STMN4: variants seen among roughly 807,000 people sequenced by gnomAD.
The protein encoded by STMN4 is stathmin-4.
In STMN4, 12 loss-of-function variants were observed where a neutral mutation model predicts 29.1. The observed-to-expected ratio is 0.41, with a 90% CI of 0.26 to 0.67. The LOEUF is 0.67. Ranked by LOEUF, STMN4 falls within the 30% of genes least tolerant of loss-of-function variation. The pLI, the probability that STMN4 is intolerant of heterozygous loss-of-function variation, is 0.30. For synonymous variants in STMN4, 114 were observed against 105.3 expected, an observed-to-expected ratio of 1.08 and a Z score of -0.51; for missense variants, 181 against 262.8, an observed-to-expected ratio of 0.69 and a Z score of 2.15.
rs770337383 is a variant in STMN4, at chr8:27,236,814, G to T, written c.*32C>A. The T allele has an allele frequency of 6.4e-6, 10 of 1,573,218 alleles. No individual in the cohort carries two copies. Among genetic ancestry groups the T allele is most frequent in the South Asian group, 1.2e-5 (1 of 84,552 alleles). On this transcript the variant is annotated 3_prime_UTR_variant, in exon 7 of 7. Coordinates refer to ENST00000350889, the MANE Select transcript of STMN4 (RefSeq NM_030795.4). The stretch of plus-strand genomic sequence containing the variant: ...AACGTGGAGCTGCTGGAGCTGTCCG[G>T]CTGACCTGGAAAGTTCTTTGGCCTC...
At chr8:27,237,275 GC>G (rs962357543) in intron 6 of STMN4, among the ~76,000 whole-genome samples, 2 of 152,228 alleles carry the variant, frequency 1.3e-5, no homozygotes, top group Admixed American at 1.3e-4. Flanking sequence ...TGCCAGAGGA[GC>G]AGGCAGAACA....
intron 1 of STMN4, among the ~76,000 whole-genome samples, chr8:27,257,449 C>T (rs545599063): frequency 2.1e-5 from 3 of 141,072 alleles, no homozygotes; most frequent in African/African-American, 8.0e-5. Flanking sequence ...CTCCCTCCGA[C>T]CCCCATACAA....
At chr8:27,240,477 G>A (rs139594291) in intron 5 of STMN4, among the ~76,000 whole-genome samples, 12 of 152,066 alleles carry the variant, frequency 7.9e-5, no homozygotes, top group African/African-American at 2.9e-4. Flanking sequence ...TAACAGCTTG[G>A]GGTAAAAAAA....
At chr8:27,255,376 T>A (rs1199315689) in intron 1 of STMN4, among the ~76,000 whole-genome samples, 2 of 152,220 alleles carry the variant, frequency 1.3e-5, no homozygotes, top group African/African-American at 4.8e-5. Flanking sequence ...GGGAACTCTA[T>A]GTTTCCAAAT....
chr8:27,253,190 A>C (rs1290756840), intron 1 of STMN4, among the ~76,000 whole-genome samples: 1 of 152,226 alleles, frequency 6.6e-6, no homozygotes, highest in East Asian at 1.9e-4. Flanking sequence ...AACAGAGCCA[A>C]GCTTCTGGCC....
chr8:27,238,390 C>A (rs780224380), intron 6 of STMN4, among the ~76,000 whole-genome samples: 2 of 152,194 alleles, frequency 1.3e-5, no homozygotes, highest in African/African-American at 4.8e-5. Flanking sequence ...GAGCAGGGGC[C>A]GAGGTCCCAA....
At chr8:27,250,065 G>T (rs968669684) in intron 1 of STMN4, among the ~76,000 whole-genome samples, 4 of 152,188 alleles carry the variant, frequency 2.6e-5, no homozygotes, top group Non-Finnish European at 5.9e-5. Flanking sequence ...AATGAATTCT[G>T]CCTGAGGTCC....
At position 27,245,543 on chromosome 8, in the gene STMN4, C is replaced by T. The variant is rs147593175; in HGVS notation, c.-78-1742G>A. ...CTCTGCAGAACTAAGCTGGTCCTGA[C>T]GGCACCAGTGAGTCCCTGAACAGAG... On this transcript the variant is annotated intron_variant, in intron 1 of 6. Transcript: ENST00000350889. Among the ~76,000 whole-genome samples, 332 of 152,386 alleles carry T rather than the reference C, an allele frequency of 2.2e-3. 1 individual carries two copies. The highest frequency in any genetic ancestry group is 7.3e-3 in the African/African-American group (303 of 41,600).
At chr8:27,238,573 C>A (rs1285968397) in intron 6 of STMN4, among the ~76,000 whole-genome samples, 1 of 152,214 alleles carries the variant, frequency 6.6e-6, no homozygotes, top group Non-Finnish European at 1.5e-5. Flanking sequence ...CTGGGCAGAG[C>A]CCTAAGTTCT....
chr8:27,241,165 C>T lies in STMN4; in HGVS notation c.288G>A (p.Lys96=). Residue 96 remains lysine, a synonymous_variant, in exon 5 of 7, where the codon AAG becomes AAA. Transcript: ENST00000350889. ...CGGGAACCCCATCAAAGGAGGGTGG[C>T]TTCAGGATGACTTCAAAGGATTGGC... The part of the protein sequence containing the change: ...TSGQSFEVIL[K]PPSFDGVPEF... The T allele has an allele frequency of 6.2e-7, 1 of 1,614,246 alleles. No individual in the cohort carries two copies.
intron 6 of STMN4, 86 bp from the exon 7 acceptor site, chr8:27,236,991 C>A: frequency 7.1e-7 from 1 of 1,409,016 alleles, no homozygotes; most frequent in Non-Finnish European, 9.7e-7. Context: ...GAACCAAAAG[C>A]AAAGAGTGGC....
intron 1 of STMN4, among the ~76,000 whole-genome samples, chr8:27,245,925 A>G (rs536928381): frequency 1.3e-5 from 2 of 152,342 alleles, no homozygotes; most frequent in South Asian, 4.1e-4. Flanking sequence ...GCTTAGGCTG[A>G]CAAGACAGGC....
intron 6 of STMN4, chr8:27,239,420 T>C: frequency 4.6e-6 from 4 of 869,736 alleles, no homozygotes; most frequent in Non-Finnish European, 6.9e-6. Flanking sequence ...AACCCCGGCC[T>C]CATGTTTCTC....
At chr8:27,257,540 C>T (rs1435084724) in intron 1 of STMN4, among the ~76,000 whole-genome samples, 4 of 151,808 alleles carry the variant, frequency 2.6e-5, no homozygotes, top group Admixed American at 2.6e-4. Flanking sequence ...GACAACAAGA[C>T]TCCACCACAC....
rs1333976063 is a variant in STMN4 at position 27,242,400 on chromosome 8, C to A, written c.106G>T (p.Glu36Ter). ...TCCTGGCTGAGCCTTCACTGACCTTCATATTTGTAGGACGACTTATTCAGG... is the reference window on the plus strand; with the variant it reads ...TCCTGGCTGAGCCTTCACTGACCTTAATATTTGTAGGACGACTTATTCAGG... ...DPLNKSSYKYEGWCGRQCRRK... is the reference protein window; with the variant it reads ...DPLNKSSYKY The change falls in exon 3 of 7, where the codon GAA (glutamate) becomes TAA (stop). Residue 36 changes from glutamate to a stop codon, truncating the protein, a stop_gained. Coordinates refer to ENST00000350889, the MANE Select transcript of STMN4 (RefSeq NM_030795.4). LOFTEE classifies it high-confidence loss of function. 1 of 1,614,056 alleles carries A rather than the reference C, an allele frequency of 6.2e-7. No homozygotes were observed. The highest frequency in any genetic ancestry group is 8.5e-7 in the Non-Finnish European group (1 of 1,180,028).
At chr8:27,257,331 C>T (rs1801969803) in intron 1 of STMN4, among the ~76,000 whole-genome samples, 1 of 152,104 alleles carries the variant, frequency 6.6e-6, no homozygotes, top group Non-Finnish European at 1.5e-5. Flanking sequence ...ATCCCTCGAG[C>T]CTCAGCAGGC....
chr8:27,239,962 AC>A lies in STMN4; in HGVS notation c.591+8del, dbSNP rs768651485. 8 of 1,614,034 alleles carry A rather than the reference AC, an allele frequency of 5.0e-6. No individual in the cohort carries two copies. In the South Asian group the frequency reaches 8.8e-5, roughly 18 times the overall value. On this transcript the variant is annotated splice_region_variant and intron_variant, in intron 6 of 6. Coordinates refer to ENST00000350889, the MANE Select transcript of STMN4 (RefSeq NM_030795.4). ...CCAGGAAACTCCTCTCTAGCCAGGG[AC>A]CCCTCACCTTCTCTTGCAGCCGTTC...
Position 27,236,762 on chromosome 8 carries a change from G to T in STMN4, c.*84C>A. 7.7e-7 allele frequency: 1 copy of T among 1,301,796 alleles called. No individual in the cohort carries two copies. Among genetic ancestry groups the T allele is most frequent in the Non-Finnish European group, 1.0e-6 (1 of 969,186 alleles). The allele number at this position is 1,301,796 out of a possible 1,614,324, so 80.6% of individuals were successfully genotyped here. ...CTCCCCCCAAACCCCAGTGCTGGGA[G>T]CGCAGCCGGCGGGCGAGGCTGCCTG... On this transcript the variant is annotated 3_prime_UTR_variant, in exon 7 of 7. Transcript: ENST00000350889.
intron 2 of STMN4, among the ~76,000 whole-genome samples, chr8:27,242,782 C>T (rs1301045874): frequency 6.6e-6 from 1 of 152,174 alleles, no homozygotes; most frequent in Non-Finnish European, 1.5e-5. Context: ...GCAAAATGCC[C>T]TCATGGAAAG....
Sources: gnomAD v4.1 joint callset for allele counts (sites outside exome capture counted in the v4.1 genomes callset) on GRCh38, gnomAD v4.1.1 for gene constraint, MANE v1.5 for transcripts, NCBI Gene and HGNC (gene_info 2026-07-23, HGNC 2026-07-21) for gene names.